Variants in ADARB2 observed in about 807,000 individuals in gnomAD.
ADARB2 encodes inactive double-stranded RNA-specific editase B2.
In ADARB2, 25 loss-of-function variants were observed where a neutral mutation model predicts 62.2. The observed-to-expected ratio is 0.40, with a 90% CI of 0.29 to 0.56. The LOEUF (loss-of-function observed/expected upper bound fraction) is 0.56, where lower values mean the gene tolerates loss of function less well. ADARB2 is among the 20% of genes least tolerant of loss of function. The pLI is 0.43. For missense variants in ADARB2, 1,071 were observed against 1,077.4 expected (o/e 0.99, Z 0.08); for synonymous variants, 572 against 500.8 (o/e 1.14, Z -1.90).
At chr10:1,622,723 G>A (rs145167766) in intron 1 of ADARB2, among the ~76,000 whole-genome samples, 12 of 152,316 alleles carry the variant, frequency 7.9e-5, no homozygotes, top group Middle Eastern at 3.4e-3. Flanking sequence ...ATGCGTGGCT[G>A]CTCAGCATTT....
At chr10:1,195,979 A>G (rs2131739770) in intron 8 of ADARB2, among the ~76,000 whole-genome samples, 1 of 152,278 alleles carries the variant, frequency 6.6e-6, no homozygotes, top group East Asian at 1.9e-4. Context: ...TCCCTTGGTG[A>G]GAAGGGAGAG....
chr10:1,402,263 C>T (rs575267342), intron 1 of ADARB2, among the ~76,000 whole-genome samples: 3 of 152,310 alleles, frequency 2.0e-5, no homozygotes, highest in East Asian at 1.9e-4. Context: ...TACGCGTGCG[C>T]GCGCCGGTCT....
intron 2 of ADARB2, among the ~76,000 whole-genome samples, chr10:1,368,541 C>T (rs1011519807): frequency 8.5e-5 from 13 of 152,226 alleles, no homozygotes; most frequent in African/African-American, 2.4e-4. Context: ...GTCTGCGAGT[C>T]GCGAGCTGTG....
intron 1 of ADARB2, among the ~76,000 whole-genome samples, chr10:1,648,776 A>G (rs191695377): frequency 3.9e-5 from 6 of 152,328 alleles, no homozygotes; most frequent in Middle Eastern, 3.4e-3. Context: ...TGGTTGGTTA[A>G]CTGAGCGTGT....
chr10:1,219,884 G>A (rs1223797818), intron 6 of ADARB2, among the ~76,000 whole-genome samples: 1 of 150,914 alleles, frequency 6.6e-6, no homozygotes, highest in Non-Finnish European at 1.5e-5. Flanking sequence ...TGGTGATGAT[G>A]GTGATGGTGA....
intron 1 of ADARB2, among the ~76,000 whole-genome samples, chr10:1,611,547 G>A (rs1172583873): frequency 6.6e-6 from 1 of 152,074 alleles, no homozygotes; most frequent in Non-Finnish European, 1.5e-5. Flanking sequence ...ATGAGAACTC[G>A]GCTCTCCCCC....
intron 1 of ADARB2, among the ~76,000 whole-genome samples, chr10:1,577,342 A>T (rs1370114437): frequency 1.3e-5 from 2 of 150,690 alleles, no homozygotes; most frequent in East Asian, 3.9e-4. Flanking sequence ...AGCTGCAGTG[A>T]TACCCTCATG....
intron 3 of ADARB2, among the ~76,000 whole-genome samples, chr10:1,359,082 T>C (rs1005539860): frequency 6.6e-6 from 1 of 152,242 alleles, no homozygotes; most frequent in Non-Finnish European, 1.5e-5. Context: ...TTTTTTATGA[T>C]GATGCCTCCA....
chr10:1,435,226 CG>C (rs1398617671), intron 1 of ADARB2, among the ~76,000 whole-genome samples: 1 of 152,164 alleles, frequency 6.6e-6, no homozygotes, highest in Non-Finnish European at 1.5e-5. Flanking sequence ...AGCAGATGAA[CG>C]GCAGGAGCTC....
intron 8 of ADARB2, among the ~76,000 whole-genome samples, chr10:1,188,975 G>A (rs917498215): frequency 2.6e-5 from 4 of 152,096 alleles, no homozygotes; most frequent in Non-Finnish European, 5.9e-5. Flanking sequence ...CAGCCCTCCC[G>A]CACCAGGTGC....
rs1160471812 is a variant in ADARB2 at position 1,235,501 on chromosome 10, C to T, written c.1362-1656G>A. Among the ~76,000 whole-genome samples, 55 of 11,356 alleles carry T rather than the reference C, an allele frequency of 4.8e-3. 2 individuals are homozygous for T. Among genetic ancestry groups the T allele is most frequent in the African/African-American group, 0.016 (50 of 3,088 alleles). 7.4% of individuals were successfully genotyped at this position (11,356 alleles called of 152,430 possible). A position where few individuals can be genotyped will look rare whatever the true frequency, so the allele number is the denominator to read the frequency against. On this transcript the variant is annotated intron_variant, in intron 5 of 9. Transcript: ENST00000381312. ...GTCTCCCGGTGTTTACTCCCCTCTC[C>T]CTCCCGGTGTTTACTCCCCTCTGCC...
chr10:1,267,529 A>C (rs1015564893), intron 4 of ADARB2, among the ~76,000 whole-genome samples: 3 of 152,196 alleles, frequency 2.0e-5, no homozygotes, highest in African/African-American at 7.2e-5. Context: ...TCTGGGAGAG[A>C]GGCAGGTACC....
chr10:1,649,916 G>C (rs969849069), intron 1 of ADARB2, among the ~76,000 whole-genome samples: 2 of 152,220 alleles, frequency 1.3e-5, no homozygotes, highest in Admixed American at 1.3e-4. Flanking sequence ...AAATCATGAG[G>C]GAGTGGCTTC....
rs139300466 is a variant in ADARB2, at chr10:1,645,618, C to T, written c.100+91433G>A. 6.3e-3 allele frequency among the ~76,000 whole-genome samples: 963 copies of T among 152,306 alleles called. 3 individuals are homozygous for T. The highest frequency in any genetic ancestry group is 1.0e-2 in the Non-Finnish European group (680 of 68,030). ...AACTCACACCGTCAGTGTATTTAAA[C>T]GTACATCTAAGCACTCCTCAGACCG... On this transcript the variant is annotated intron_variant, in intron 1 of 9. Coordinates refer to ENST00000381312, the MANE Select transcript of ADARB2 (RefSeq NM_018702.4).
At chr10:1,697,575 T>G (rs1299990748) in intron 1 of ADARB2, among the ~76,000 whole-genome samples, 1 of 152,212 alleles carries the variant, frequency 6.6e-6, no homozygotes, top group Non-Finnish European at 1.5e-5. Flanking sequence ...AGCCCCACAG[T>G]TGATACTGAA....
intron 1 of ADARB2, among the ~76,000 whole-genome samples, chr10:1,624,266 A>G (rs1833740792): frequency 6.6e-6 from 1 of 152,062 alleles, no homozygotes. Flanking sequence ...ACAAAAACAA[A>G]CAAAAACCAA....
At chr10:1,435,119 C>T (rs954250376) in intron 1 of ADARB2, among the ~76,000 whole-genome samples, 28 of 152,360 alleles carry the variant, frequency 1.8e-4, no homozygotes, top group Non-Finnish European at 3.5e-4. Context: ...GCACAGAACC[C>T]ACCCTGGCCC....
At chr10:1,580,449 T>C (rs11250642) in intron 1 of ADARB2, among the ~76,000 whole-genome samples, 76,626 of 151,454 alleles carry the variant, frequency 0.51, 19,836 homozygotes, top group East Asian at 0.64. Flanking sequence ...TCTGGCATTG[T>C]AACTTATCTC....
chr10:1,728,069 G>T (rs1835189612), intron 1 of ADARB2, among the ~76,000 whole-genome samples: 1 of 152,220 alleles, frequency 6.6e-6, no homozygotes, highest in Non-Finnish European at 1.5e-5. Flanking sequence ...ATCAGGCACA[G>T]GAAGAGACTT....
Sources: gnomAD v4.1 joint callset for allele counts (sites outside exome capture counted in the v4.1 genomes callset) on GRCh38, gnomAD v4.1.1 for gene constraint, MANE v1.5 for transcripts, NCBI Gene and HGNC (gene_info 2026-07-23, HGNC 2026-07-21) for gene names.